DIAPH2: variants seen among roughly 807,000 people sequenced by gnomAD.
The protein encoded by DIAPH2 is diaphanous related formin 2.
Under a neutral mutation model 92.7 loss-of-function variants are expected in DIAPH2, and 35 were observed. The observed-to-expected ratio is 0.38, with a 90% CI of 0.29 to 0.50. The LOEUF is 0.50. Ranked by LOEUF, DIAPH2 falls within the 20% of genes least tolerant of loss-of-function variation. The pLI, the probability that DIAPH2 is intolerant of heterozygous loss-of-function variation, is 0.94. For synonymous variants in DIAPH2, 301 were observed against 280.4 expected (o/e 1.07, Z -0.73); for missense variants, 701 against 819.5 (o/e 0.86, Z 1.77).
At chrX:97,135,094 C>A (rs1024333226) in intron 21 of DIAPH2, among the ~76,000 whole-genome samples, 1 of 111,700 alleles carries the variant, frequency 9.0e-6, no homozygotes, top group Admixed American at 9.5e-5. Flanking sequence ...GTGGGTGAGA[C>A]TAGTTGTGTA....
chrX:96,936,382 C>T (rs2065658087), intron 10 of DIAPH2, among the ~76,000 whole-genome samples: 1 of 111,632 alleles, frequency 9.0e-6, no homozygotes, highest in Admixed American at 9.5e-5. Context: ...AGAGTTCAAG[C>T]TCAGCTCTGA....
intron 19 of DIAPH2, among the ~76,000 whole-genome samples, chrX:97,092,777 T>G (rs1345398672): frequency 1.8e-5 from 2 of 111,799 alleles, no homozygotes; most frequent in African/African-American, 6.5e-5. Flanking sequence ...TAATAATGAA[T>G]CCTAGCATTG....
chrX:97,261,425 C>T (rs1238910626), intron 23 of DIAPH2, among the ~76,000 whole-genome samples: 2 of 112,234 alleles, frequency 1.8e-5, no homozygotes, highest in African/African-American at 6.5e-5. Flanking sequence ...TGATCCAAAA[C>T]TCTCAATTTA....
chrX:96,936,301 A>C (rs1038850948), intron 10 of DIAPH2, among the ~76,000 whole-genome samples: 4 of 111,656 alleles, frequency 3.6e-5, no homozygotes, highest in Non-Finnish European at 7.5e-5. Context: ...GAATAAAGAT[A>C]GAAACAAGAA....
chrX:97,185,519 A>ATC (rs2067596809), intron 22 of DIAPH2, among the ~76,000 whole-genome samples: 1 of 46,578 alleles, frequency 2.1e-5, no homozygotes, highest in Non-Finnish European at 4.0e-5. Flanking sequence ...ATATATATAT[A>ATC]TCTCACTTCT....
rs751994409 is a variant in DIAPH2 at position 97,152,842 on chromosome X, G to A, written c.2719+11048G>A. Among the ~76,000 whole-genome samples the A allele has an allele frequency of 3.8e-5, 4 of 104,569 alleles. No homozygotes were observed. The South Asian group carries it at 1.8e-3, about 47-fold the overall frequency. 90.8% of individuals were successfully genotyped at this position (104,569 alleles called of 115,157 possible). A position where few individuals can be genotyped will look rare whatever the true frequency, so the allele number is the denominator to read the frequency against. On this transcript the variant is annotated intron_variant, in intron 22 of 26. Coordinates refer to ENST00000324765, the MANE Select transcript of DIAPH2 (RefSeq NM_006729.5). ...GGGACACATTCAAACAACAGCACTG[G>A]CATTTTAAGTTTAAGATTCATTGAA... is the stretch of plus-strand genomic sequence containing the variant.
intron 26 of DIAPH2, among the ~76,000 whole-genome samples, chrX:97,575,735 G>A (rs763827449): frequency 2.7e-5 from 3 of 112,074 alleles, no homozygotes; most frequent in Non-Finnish European, 5.6e-5. Context: ...CCTGAGAAAT[G>A]CAGAGTTGAG....
chrX:96,811,877 A>G (rs1181418500), intron 4 of DIAPH2, among the ~76,000 whole-genome samples: 1 of 111,727 alleles, frequency 9.0e-6, no homozygotes, highest in Non-Finnish European at 1.9e-5. Context: ...AGCCCACTTG[A>G]TCATGGTGGA....
intron 25 of DIAPH2, among the ~76,000 whole-genome samples, chrX:97,392,747 C>A (rs1390780106): frequency 8.9e-6 from 1 of 111,860 alleles, no homozygotes; most frequent in Non-Finnish European, 1.9e-5. Flanking sequence ...AGTCCCAGCA[C>A]CACAGTTTGC....
At chrX:96,873,597 G>T (rs376818975) in intron 4 of DIAPH2, among the ~76,000 whole-genome samples, 27 of 106,648 alleles carry the variant, frequency 2.5e-4, no homozygotes, top group East Asian at 1.5e-3. Context: ...TGTGGTGTTG[G>T]TATACCTGAA....
At chrX:97,164,018 A>C (rs889155373) in intron 22 of DIAPH2, among the ~76,000 whole-genome samples, 2 of 112,390 alleles carry the variant, frequency 1.8e-5, no homozygotes, top group African/African-American at 6.5e-5. Flanking sequence ...AATTGGCTCA[A>C]TGTATGCATT....
At chrX:96,971,270 T>C (rs1165248478) in intron 17 of DIAPH2, among the ~76,000 whole-genome samples, 8 of 112,138 alleles carry the variant, frequency 7.1e-5, no homozygotes, top group Non-Finnish European at 1.5e-4. Context: ...GCATTCCAGC[T>C]GTGATACTTG....
rs911121076 is a variant in DIAPH2, at chrX:97,384,026, C to T, written c.3127C>T (p.Leu1043Phe). The T allele has an allele frequency of 8.4e-6, 10 of 1,195,712 alleles. No homozygotes were observed. Among genetic ancestry groups the T allele is most frequent in the Non-Finnish European group, 1.0e-5 (9 of 887,751 alleles). The stretch of plus-strand genomic sequence containing the variant: ...AGAACGCCAGAAGAAAAAGAAACAA[C>T]TCATTGATATAAACAAAGGTATGAA... Reference protein sequence around the residue: ...KLERQKKKKQLIDINKEGDET... With the variant: ...KLERQKKKKQFIDINKEGDET... The change falls in exon 25 of 27, where the codon CTC becomes TTC. Residue 1043 changes from leucine to phenylalanine, a missense_variant. By Grantham distance (22) the Leu-to-Phe change is conservative. This residue lies in a region of DIAPH2 where 536 missense variants were observed against 599.3 expected (regional missense o/e 0.89). Transcript: ENST00000324765.
At chrX:96,778,356 A>G (rs2064392115) in intron 4 of DIAPH2, among the ~76,000 whole-genome samples, 1 of 110,668 alleles carries the variant, frequency 9.0e-6, no homozygotes, top group African/African-American at 3.3e-5. Flanking sequence ...CCTTTCACCC[A>G]TATTTTAAAA....
At chrX:96,874,699 T>C (rs1297314436) in intron 4 of DIAPH2, among the ~76,000 whole-genome samples, 4 of 112,001 alleles carry the variant, frequency 3.6e-5, no homozygotes, top group African/African-American at 1.3e-4. Context: ...AAGGTTAGTG[T>C]TTTGGGATTA....
chrX:97,511,192 G>A (rs1286194088), intron 26 of DIAPH2, among the ~76,000 whole-genome samples: 1 of 94,919 alleles, frequency 1.1e-5, no homozygotes, highest in Admixed American at 1.2e-4. Flanking sequence ...TCATTGAGCA[G>A]TGGTTTGTAG....
chrX:96,944,825 TAAATAA>T (rs2065728159), intron 13 of DIAPH2, among the ~76,000 whole-genome samples: 1 of 111,395 alleles, frequency 9.0e-6, no homozygotes, highest in Admixed American at 9.6e-5. Context: ...GGGATTACTA[TAAATAA>T]AACTGCTGTG....
chrX:96,894,869 CA>C (rs2065332256), intron 5 of DIAPH2, among the ~76,000 whole-genome samples: 1 of 108,514 alleles, frequency 9.2e-6, no homozygotes, highest in Non-Finnish European at 1.9e-5. Flanking sequence ...TTGCATTTCA[CA>C]ATGTGCTTAG....
At chrX:97,392,530 T>C (rs142822657) in intron 25 of DIAPH2, among the ~76,000 whole-genome samples, 4,705 of 111,543 alleles carry the variant, frequency 0.042, 67 homozygotes, top group African/African-American at 0.056. Context: ...TGGAGAAGGC[T>C]AAATACAGCC....
Sources: gnomAD v4.1 joint callset for allele counts (sites outside exome capture counted in the v4.1 genomes callset) on GRCh38, gnomAD v4.1.1 for gene constraint, gnomAD v4.1.1 regional missense constraint, MANE v1.5 for transcripts, NCBI Gene and HGNC (gene_info 2026-07-23, HGNC 2026-07-21) for gene names.